The following IPCEF1 variants were observed in gnomAD, a reference collection of about 807,000 sequenced individuals.
IPCEF1 encodes the protein interactor protein for cytohesin exchange factors 1.
Under a neutral mutation model 50.9 loss-of-function variants are expected in IPCEF1, and 31 were observed. The ratio of observed to expected loss-of-function variants is 0.61; its 90% CI spans 0.46 to 0.82. The LOEUF (loss-of-function observed/expected upper bound fraction) is 0.82. Among genes scored for constraint, IPCEF1 ranks in the 40% least tolerant of loss-of-function variants. The pLI, the probability that IPCEF1 is intolerant of heterozygous loss-of-function variation, is 0.00. For missense variants in IPCEF1, 458 were observed against 514.0 expected (o/e 0.89, Z 1.05); for synonymous variants, 181 against 192.0 (o/e 0.94, Z 0.47).
intron 1 of IPCEF1, among the ~76,000 whole-genome samples, chr6:154,318,088 T>G (rs940366973): frequency 2.0e-5 from 3 of 152,160 alleles, no homozygotes; most frequent in Non-Finnish European, 4.4e-5. Flanking sequence ...GTCAGATATG[T>G]AAAAGTACAA....
chr6:154,222,368 C>A (rs1778933694), intron 6 of IPCEF1, among the ~76,000 whole-genome samples: 1 of 152,178 alleles, frequency 6.6e-6, no homozygotes, highest in African/African-American at 2.4e-5. Context: ...AGTTTACTAA[C>A]CTTGTTAAAA....
chr6:154,265,834 C>T, intron 3 of IPCEF1, 78 bp downstream of exon 3: 1 of 1,027,874 alleles, frequency 9.7e-7, no homozygotes, highest in Non-Finnish European at 1.5e-6. Context: ...GCTAGCCAAA[C>T]TTGAAATCAA....
At chr6:154,269,633 G>T (rs574934497) in intron 2 of IPCEF1, among the ~76,000 whole-genome samples, 4 of 152,062 alleles carry the variant, frequency 2.6e-5, no homozygotes, top group Non-Finnish European at 5.9e-5. Context: ...ACCATGCCTG[G>T]CCAGTACTTT....
At chr6:154,250,863 G>A (rs1781320614) in intron 3 of IPCEF1, among the ~76,000 whole-genome samples, 1 of 152,150 alleles carries the variant, frequency 6.6e-6, no homozygotes, top group South Asian at 2.1e-4. Context: ...GGTGGCTTTT[G>A]TCAATTTCTG....
At chr6:154,328,990 TTA>T (rs1319623391) in intron 1 of IPCEF1, among the ~76,000 whole-genome samples, 11 of 152,194 alleles carry the variant, frequency 7.2e-5, no homozygotes, top group African/African-American at 2.4e-4. Flanking sequence ...AGAAAAAAAT[TTA>T]TATCTTTTTT....
In IPCEF1 at chr6:154,221,289, A is replaced by G; in HGVS notation, c.360T>C (p.Tyr120=). The G allele has an allele frequency of 6.2e-7, 1 of 1,614,044 alleles. No individual in the cohort carries two copies. Among genetic ancestry groups the G allele is most frequent in the Non-Finnish European group, 8.5e-7 (1 of 1,179,970 alleles). ...TTTCCTGCACATTCTCAGCTGCAAA[A>G]TAAAAGGTCTTGATCTGTGGATGGC... ...KISHPQIKTF[Y]FAAENVQEMN... The change falls in exon 7 of 12, where the codon TAT becomes TAC. Residue 120 remains tyrosine (Y), a synonymous_variant. Coordinates refer to ENST00000367220, the MANE Select transcript of IPCEF1 (RefSeq NM_001130700.2).
At chr6:154,227,868 T>C (rs767528467) in intron 5 of IPCEF1, among the ~76,000 whole-genome samples, 5 of 152,168 alleles carry the variant, frequency 3.3e-5, no homozygotes, top group Non-Finnish European at 7.3e-5. Flanking sequence ...ACCTTAGTGT[T>C]TCCCCAGGAA....
At chr6:154,221,132 A>C (rs1459280510) in intron 7 of IPCEF1, 125 bp downstream of exon 7, 1 of 710,360 alleles carries the variant, frequency 1.4e-6, no homozygotes, top group East Asian at 2.8e-5. Flanking sequence ...TGCTAAATAA[A>C]TTAATCCTTA....
chr6:154,173,276 C>T (rs1800025246), intron 10 of IPCEF1, among the ~76,000 whole-genome samples: 1 of 152,168 alleles, frequency 6.6e-6, no homozygotes, highest in East Asian at 1.9e-4. Flanking sequence ...CAAAGGAACA[C>T]AACTCCTCAC....
chr6:154,183,906 A>G (rs1461010874), intron 10 of IPCEF1, among the ~76,000 whole-genome samples: 1 of 152,128 alleles, frequency 6.6e-6, no homozygotes, highest in Non-Finnish European at 1.5e-5. Context: ...AAACAAACAA[A>G]AAAAACAAAA....
At chr6:154,297,800 G>A (rs13193677) in intron 1 of IPCEF1, among the ~76,000 whole-genome samples, 14,507 of 152,130 alleles carry the variant, frequency 0.095, 796 homozygotes, top group Middle Eastern at 0.15. Context: ...CTGCATGGAC[G>A]GGGATGACAG....
At chr6:154,160,220 A>G (rs1798895900) in intron 11 of IPCEF1, among the ~76,000 whole-genome samples, 180 bp from the exon 12 acceptor site, 1 of 152,262 alleles carries the variant, frequency 6.6e-6, no homozygotes, top group African/African-American at 2.4e-5. Flanking sequence ...TGCATACGCT[A>G]GCCGCAAAGA....
At chr6:154,195,528 A>T (rs1776542385) in intron 10 of IPCEF1, among the ~76,000 whole-genome samples, 1 of 152,106 alleles carries the variant, frequency 6.6e-6, no homozygotes, top group South Asian at 2.1e-4. Flanking sequence ...AAATTAAGGA[A>T]CACCTATCCC....
intron 1 of IPCEF1, among the ~76,000 whole-genome samples, chr6:154,305,409 G>T (rs531649095): frequency 6.6e-6 from 1 of 152,164 alleles, no homozygotes; most frequent in African/African-American, 2.4e-5. Flanking sequence ...TCATTCTTCT[G>T]CCTGTATCTC....
chr6:154,194,667 A>G (rs1292815393), intron 10 of IPCEF1, among the ~76,000 whole-genome samples: 2 of 152,168 alleles, frequency 1.3e-5, no homozygotes, highest in African/African-American at 4.8e-5. Flanking sequence ...TAGCTTCAGG[A>G]AAAATTGTAG....
chr6:154,186,595 C>G (rs992392982), intron 10 of IPCEF1, among the ~76,000 whole-genome samples: 1 of 151,498 alleles, frequency 6.6e-6, no homozygotes, highest in Non-Finnish European at 1.5e-5. Context: ...CTCGCTTTGT[C>G]GCCCAGGCTG....
At chr6:154,164,464 C>T (rs1240119406) in intron 11 of IPCEF1, among the ~76,000 whole-genome samples, 2 of 152,188 alleles carry the variant, frequency 1.3e-5, no homozygotes, top group Admixed American at 1.3e-4. Flanking sequence ...ACCAGGCATC[C>T]TGGGGCTGGG....
intron 3 of IPCEF1, among the ~76,000 whole-genome samples, chr6:154,248,058 C>T (rs996999800): frequency 6.6e-6 from 1 of 152,120 alleles, no homozygotes; most frequent in Non-Finnish European, 1.5e-5. Flanking sequence ...TAGCAATCAA[C>T]CCTCCTTATC....
At chr6:154,278,994 G>A (rs1266960188) in intron 2 of IPCEF1, among the ~76,000 whole-genome samples, 1 of 150,328 alleles carries the variant, frequency 6.7e-6, no homozygotes, top group Non-Finnish European at 1.5e-5. Context: ...TCATGGTGGT[G>A]TGCACCTGTG....
Sources: gnomAD v4.1 joint callset for allele counts (sites outside exome capture counted in the v4.1 genomes callset) on GRCh38, gnomAD v4.1.1 for gene constraint, MANE v1.5 for transcripts, NCBI Gene and HGNC (gene_info 2026-07-23, HGNC 2026-07-21) for gene names.